Variants in TCEANC2 observed in about 807,000 individuals in gnomAD.
TCEANC2 encodes transcription elongation factor A N-terminal and central domain containing 2, also known as transcription elongation factor A N-terminal and central domain-containing protein 2.
In TCEANC2, 20 loss-of-function variants were observed where a neutral mutation model predicts 22.8. The observed-to-expected ratio is 0.88, with a 90% confidence interval of 0.62 to 1.28. The LOEUF is 1.28. Ranked by LOEUF, TCEANC2 falls within the 50% of genes most tolerant of loss-of-function variation. TCEANC2 has a pLI of 0.00. For missense variants in TCEANC2, 251 were observed against 249.7 expected (o/e 1.01, Z -0.03); for synonymous variants, 84 against 95.5 (o/e 0.88, Z 0.70).
chr1:54,056,404 C>T (rs1305217699), intron 2 of TCEANC2, among the ~76,000 whole-genome samples: 4 of 151,896 alleles, frequency 2.6e-5, no homozygotes, highest in East Asian at 1.9e-4. Context: ...TGCCTCCCTG[C>T]AACCTCTGCC....
At chr1:54,068,102 A>T (rs184738790) in intron 2 of TCEANC2, among the ~76,000 whole-genome samples, 2 of 152,248 alleles carry the variant, frequency 1.3e-5, no homozygotes, top group Non-Finnish European at 2.9e-5. Context: ...GGAAAGATGC[A>T]TATCAACTTT....
intron 3 of TCEANC2, among the ~76,000 whole-genome samples, chr1:54,074,159 T>C (rs1339419740): frequency 6.6e-6 from 1 of 151,978 alleles, no homozygotes; most frequent in Non-Finnish European, 1.5e-5. Flanking sequence ...AGCTGGGAAA[T>C]GGTGTGATAA....
At chr1:54,073,829 G>A (rs939866427) in intron 3 of TCEANC2, among the ~76,000 whole-genome samples, 45 of 152,146 alleles carry the variant, frequency 3.0e-4, no homozygotes, top group African/African-American at 1.0e-3. Flanking sequence ...TATCAATCAT[G>A]GGGATGAAGA....
chr1:54,073,754 G>T (rs763537320), intron 3 of TCEANC2, among the ~76,000 whole-genome samples: 9 of 152,196 alleles, frequency 5.9e-5, no homozygotes, highest in Non-Finnish European at 1.3e-4. Flanking sequence ...AAACCTAGAG[G>T]CTGGAAGCTC....
chr1:54,107,767 C>G (rs1464634421), downstream of TCEANC2, among the ~76,000 whole-genome samples: 1 of 152,140 alleles, frequency 6.6e-6, no homozygotes, highest in Non-Finnish European at 1.5e-5. Context: ...GAAACAAGCT[C>G]TTATGATTGG....
At position 54,096,783 on chromosome 1, in the gene TCEANC2, C is replaced by T; in HGVS notation, c.*310C>T. On this transcript the variant is annotated 3_prime_UTR_variant, in exon 5 of 5. Coordinates refer to ENST00000234827, the MANE Select transcript of TCEANC2 (RefSeq NM_153035.3). This position sits in a 1 kb window ranked among gnomAD's most constrained non-coding sequence, Gnocchi z 4.9. ...GATTTCACTGTGAATATGCCAAGGA[C>T]ACCTCTAAACTTCCCCCATGTCAGT... is the stretch of plus-strand genomic sequence containing the variant. 9.4e-7 allele frequency: 1 copy of T among 1,068,752 alleles called. No homozygotes were observed. Among genetic ancestry groups the T allele is most frequent in the Non-Finnish European group, 1.1e-6 (1 of 883,090 alleles). 66.2% of individuals were successfully genotyped at this position (1,068,752 alleles called of 1,614,324 possible).
intron 3 of TCEANC2, 88 bp downstream of exon 3, chr1:54,068,985 T>A (rs1658008500): frequency 7.6e-7 from 1 of 1,307,352 alleles, no homozygotes; most frequent in Non-Finnish European, 9.9e-7. Flanking sequence ...AACATGAAGT[T>A]ATCTGCCTTA....
At chr1:54,064,581 C>T (rs1354059640) in intron 2 of TCEANC2, among the ~76,000 whole-genome samples, 1 of 151,942 alleles carries the variant, frequency 6.6e-6, no homozygotes, top group Non-Finnish European at 1.5e-5. Context: ...AAAGTTACAC[C>T]CTATGCAAAT....
rs758297347 is a variant in TCEANC2 at position 54,097,933 on chromosome 1, C to A, written c.*1460C>A. Reference sequence around the variant, plus strand: ...TACAAAAAGAAAATACCCAGTTAAACATGAGAAAAGTGAGGCTCAGAAAGG... The same window carrying A: ...TACAAAAAGAAAATACCCAGTTAAAAATGAGAAAAGTGAGGCTCAGAAAGG... On this transcript the variant is annotated 3_prime_UTR_variant, in exon 5 of 5. Transcript: ENST00000234827. 3 of 152,188 alleles carry A rather than the reference C, an allele frequency of 2.0e-5. No homozygotes were observed. Among genetic ancestry groups the A allele is most frequent in the Non-Finnish European group, 4.4e-5 (3 of 68,030 alleles). 9.4% of individuals were successfully genotyped at this position (152,188 alleles called of 1,614,324 possible).
intron 2 of TCEANC2, among the ~76,000 whole-genome samples, chr1:54,057,347 ATTTTTTTTTTT>A (rs1163556776): frequency 1.2e-5 from 1 of 85,930 alleles, no homozygotes; most frequent in African/African-American, 4.9e-5. Flanking sequence ...CACCTGGCTA[ATTTTTTTTTTT>A]TTTTTTTTTT....
downstream of TCEANC2, among the ~76,000 whole-genome samples, chr1:54,107,463 T>C (rs1658776214): frequency 6.6e-6 from 1 of 152,116 alleles, no homozygotes; most frequent in African/African-American, 2.4e-5. Context: ...CATATTTTGT[T>C]TTTGGAGGCA....
At position 54,101,887 on chromosome 1, in the gene TCEANC2, G is replaced by A. The variant is rs1390965167; in HGVS notation, c.*5414G>A. 6.6e-6 allele frequency: 1 copy of A among 152,152 alleles called. No individual in the cohort carries two copies. The highest frequency in any genetic ancestry group is 2.4e-5 in the African/African-American group (1 of 41,424). The allele number at this position is 152,152 out of a possible 1,614,324, so 9.4% of individuals were successfully genotyped here. On this transcript the variant is annotated 3_prime_UTR_variant, in exon 5 of 5. Transcript: ENST00000234827. Reference sequence around the variant, plus strand: ...TGGCCTCAAGTGAGCCTCCTGCCTTGGCCTTCCAAAGTGTTGGGATTACAG... The same window carrying A: ...TGGCCTCAAGTGAGCCTCCTGCCTTAGCCTTCCAAAGTGTTGGGATTACAG...
downstream of TCEANC2, among the ~76,000 whole-genome samples, chr1:54,110,718 G>A (rs528579788): frequency 2.6e-5 from 4 of 152,252 alleles, no homozygotes; most frequent in South Asian, 8.3e-4. Flanking sequence ...CCGTGTCCTG[G>A]CCTCTGGCAC....
rs535985308 is a variant in TCEANC2 at position 54,055,945 on chromosome 1, A to G, written c.102+1421A>G. 7.2e-5 allele frequency among the ~76,000 whole-genome samples: 11 copies of G among 152,272 alleles called. No individual in the cohort carries two copies. In the East Asian group the frequency reaches 1.9e-3, roughly 27 times the overall value. On this transcript the variant is annotated intron_variant, in intron 2 of 4. Coordinates refer to ENST00000234827, the MANE Select transcript of TCEANC2 (RefSeq NM_153035.3). ...GGCAAGATAATTCTTCATTATTTGG[A>G]GCTGCTGGTGGTTTACAGGATACTT... is the stretch of plus-strand genomic sequence containing the variant.
At chr1:54,070,927 A>G (rs1658044392) in intron 3 of TCEANC2, among the ~76,000 whole-genome samples, 1 of 152,206 alleles carries the variant, frequency 6.6e-6, no homozygotes, top group African/African-American at 2.4e-5. Context: ...TGCTCTGATG[A>G]TGGGGAGAAG....
intron 4 of TCEANC2, among the ~76,000 whole-genome samples, chr1:54,093,803 A>T (rs1200360879): frequency 1.3e-5 from 2 of 149,904 alleles, no homozygotes; most frequent in African/African-American, 4.9e-5. Flanking sequence ...ACAAACACAT[A>T]TACCCTTCTT....
intron 4 of TCEANC2, among the ~76,000 whole-genome samples, chr1:54,095,774 G>T (rs1164061841): frequency 6.6e-6 from 1 of 152,182 alleles, no homozygotes; most frequent in Admixed American, 6.5e-5. Context: ...GTAAGACCTT[G>T]AACCTTTGCC....
chr1:54,096,685 A>AACAGAACGCAC lies in TCEANC2; in HGVS notation c.*215_*225dup. 1 of 1,247,312 alleles carries AACAGAACGCAC rather than the reference A, an allele frequency of 8.0e-7. No homozygotes were observed. Among genetic ancestry groups the AACAGAACGCAC allele is most frequent in the Non-Finnish European group, 1.0e-6 (1 of 970,680 alleles). The allele number at this position is 1,247,312 out of a possible 1,614,324, so 77.3% of individuals were successfully genotyped here. On this transcript the variant is annotated 3_prime_UTR_variant, in exon 5 of 5. Transcript: ENST00000234827. This position sits in a 1 kb window ranked among gnomAD's most constrained non-coding sequence, Gnocchi z 4.9. The stretch of plus-strand genomic sequence containing the variant: ...TAGCTGCAGTGCGCTGGTGCTGCCT[A>AACAGAACGCAC]ACAGAACGCACACTGGCTGTCACTA...
chr1:54,080,673 T>C (rs1237182559), intron 3 of TCEANC2, among the ~76,000 whole-genome samples: 1 of 152,258 alleles, frequency 6.6e-6, no homozygotes, highest in African/African-American at 2.4e-5. Flanking sequence ...TTCCGGGTCT[T>C]GTCTTGCTCA....
Sources: allele counts gnomAD v4.1 joint callset (sites outside exome capture counted in the v4.1 genomes callset), GRCh38; gene constraint gnomAD v4.1.1; non-coding constraint Gnocchi (gnomAD v3.1); transcripts MANE v1.5; gene names NCBI Gene and HGNC (gene_info 2026-07-23, HGNC 2026-07-21).